SHLD1: variants seen among roughly 807,000 people sequenced by gnomAD.
The protein encoded by SHLD1 is RINN1-REV7-interacting novel NHEJ regulator 3.
Under a neutral mutation model 5.5 loss-of-function variants are expected in SHLD1, and 3 were observed. That is an observed-to-expected ratio of 0.54 (90% CI 0.25 to 1.40). The LOEUF (loss-of-function observed/expected upper bound fraction) is 1.40. SHLD1 is among the 40% of genes most tolerant of loss of function. The pLI is 0.15. For synonymous variants in SHLD1, 92 were observed against 94.3 expected, an observed-to-expected ratio of 0.98 and a Z score of 0.14; for missense variants, 210 against 244.4, an observed-to-expected ratio of 0.86 and a Z score of 0.94.
intron 2 of SHLD1, among the ~76,000 whole-genome samples, chr20:5,836,141 T>G (rs752812889): frequency 1.3e-5 from 2 of 152,150 alleles, no homozygotes; most frequent in African/African-American, 2.4e-5. Flanking sequence ...CATGAGCTGC[T>G]TCCTTTGGTT....
intron 1 of SHLD1, among the ~76,000 whole-genome samples, chr20:5,755,358 C>G (rs999923789): frequency 6.6e-6 from 1 of 152,068 alleles, no homozygotes; most frequent in Non-Finnish European, 1.5e-5. Context: ...AGTGTGAACC[C>G]TATTGTGAAC....
At chr20:5,811,754 A>C (rs764275118) in intron 2 of SHLD1, among the ~76,000 whole-genome samples, 2 of 151,912 alleles carry the variant, frequency 1.3e-5, no homozygotes, top group Admixed American at 6.6e-5. Flanking sequence ...TATTTGGGAG[A>C]CTGAGGTGGG....
At chr20:5,780,047 CA>C (rs1244547242) in intron 2 of SHLD1, among the ~76,000 whole-genome samples, 15 of 134,632 alleles carry the variant, frequency 1.1e-4, no homozygotes, top group Non-Finnish European at 2.0e-4. Context: ...GGTGCAATCT[CA>C]GCTCACTGCA....
In SHLD1 at chr20:5,764,158, T is replaced by TTTTA. The variant is rs1555768335; in HGVS notation, c.-4-8703_-4-8702insTTAT. On this transcript the variant is annotated intron_variant, in intron 1 of 2. Transcript: ENST00000303142. ...AAAAAAAATATATATATATTTATATTTATATATATATATATATTTTTATAT... is the reference window on the plus strand; with the variant it reads ...AAAAAAAATATATATATATTTATATTTTTATATATATATATATATATTTTTATAT... Among the ~76,000 whole-genome samples, 108 of 72,048 alleles carry TTTTA rather than the reference T, an allele frequency of 1.5e-3. 3 individuals carry two copies. The highest frequency in any genetic ancestry group is 5.2e-3 in the African/African-American group (99 of 19,128). The allele number at this position is 72,048 out of a possible 152,430, so 47.3% of individuals were successfully genotyped here. A position where few individuals can be genotyped will look rare whatever the true frequency, so the allele number is the denominator to read the frequency against.
chr20:5,850,236 C>T (rs1226068340), intron 2 of SHLD1, among the ~76,000 whole-genome samples: 1 of 151,558 alleles, frequency 6.6e-6, no homozygotes, highest in African/African-American at 2.4e-5. Flanking sequence ...CTAGTAAGAG[C>T]ACACGTTTAT....
At chr20:5,844,786 TATATATATATATA>T (rs1568528957) in intron 2 of SHLD1, among the ~76,000 whole-genome samples, 17 of 104,450 alleles carry the variant, frequency 1.6e-4, no homozygotes, top group East Asian at 1.5e-3. Flanking sequence ...TATATATATA[TATATATATATATA>T]TTTTTTTTTT....
intron 1 of SHLD1, chr20:5,772,091 G>T (rs1172037687): frequency 7.1e-6 from 3 of 420,294 alleles, no homozygotes; most frequent in Non-Finnish European, 1.5e-5. Flanking sequence ...GGCCAGGCTG[G>T]TCTTGAACTC....
chr20:5,831,167 G>A (rs2087724911), intron 2 of SHLD1, among the ~76,000 whole-genome samples: 1 of 152,166 alleles, frequency 6.6e-6, no homozygotes, highest in African/African-American at 2.4e-5. Context: ...GTGATCCAAG[G>A]TTAAAGGTCA....
In SHLD1 at chr20:5,855,615, A is replaced by G. The variant is rs1035678263; in HGVS notation, c.179-7409A>G. Among the ~76,000 whole-genome samples the G allele has an allele frequency of 2.0e-5, 3 of 152,032 alleles. No individual in the cohort carries two copies. Among genetic ancestry groups the G allele is most frequent in the East Asian group, 3.9e-4 (2 of 5,156 alleles). On this transcript the variant is annotated intron_variant, in intron 2 of 2. Transcript: ENST00000303142. The surrounding 1 kb of genome is among the most constrained non-coding windows in gnomAD (Gnocchi z 4.4). ...TTGAACTCCTGGGCTCAAGAGATCC[A>G]CTTTCCTTGGCCCCCCAAAGTGCTG...
chr20:5,754,024 A>G (rs1361053464), intron 1 of SHLD1, among the ~76,000 whole-genome samples: 2 of 152,198 alleles, frequency 1.3e-5, no homozygotes, highest in African/African-American at 4.8e-5. Context: ...ACGCCGCTTC[A>G]GAAGTGCTGG....
intron 2 of SHLD1, among the ~76,000 whole-genome samples, chr20:5,805,247 C>T (rs374486): frequency 0.28 from 43,129 of 151,462 alleles, 7,136 homozygotes; most frequent in African/African-American, 0.45. Flanking sequence ...GAACTCTGCC[C>T]TCTGGGTTCA....
At chr20:5,835,862 T>A (rs2087782713) in intron 2 of SHLD1, among the ~76,000 whole-genome samples, 2 of 152,162 alleles carry the variant, frequency 1.3e-5, no homozygotes, top group Non-Finnish European at 2.9e-5. Context: ...AGAAAATCAT[T>A]CTCCTGCCTT....
At chr20:5,775,923 A>ATTTTTTTTTTTCTT (rs1985403654) in intron 2 of SHLD1, among the ~76,000 whole-genome samples, 1 of 77,678 alleles carries the variant, frequency 1.3e-5, no homozygotes, top group Admixed American at 1.5e-4. Flanking sequence ...TCAGCTCAGG[A>ATTTTTTTTTTTCTT]TTTTTTTTTT....
intron 2 of SHLD1, among the ~76,000 whole-genome samples, chr20:5,857,369 C>T (rs1022801477): frequency 6.6e-5 from 10 of 152,180 alleles, no homozygotes; most frequent in African/African-American, 2.2e-4. Context: ...AACAGACCAA[C>T]CAAGGAAGCG....
chr20:5,761,354 A>G (rs1035111125), intron 1 of SHLD1, among the ~76,000 whole-genome samples: 6 of 151,936 alleles, frequency 3.9e-5, no homozygotes, highest in African/African-American at 1.4e-4. Context: ...GTAAACCACC[A>G]TGGCACATGT....
At chr20:5,844,456 G>T (rs1292913719) in intron 2 of SHLD1, among the ~76,000 whole-genome samples, 1 of 152,160 alleles carries the variant, frequency 6.6e-6, no homozygotes, top group Non-Finnish European at 1.5e-5. Context: ...AGAGGGATGT[G>T]TTTGGGGATG....
intron 2 of SHLD1, among the ~76,000 whole-genome samples, chr20:5,857,907 G>A (rs1031514529): frequency 2.6e-5 from 4 of 152,198 alleles, no homozygotes; most frequent in Admixed American, 6.5e-5. Context: ...AGACCATCCC[G>A]GCTAACACGG....
intron 2 of SHLD1, 37 bp from the exon 3 acceptor site, chr20:5,862,987 T>C: frequency 6.6e-7 from 1 of 1,512,624 alleles, no homozygotes; most frequent in Non-Finnish European, 8.9e-7. Flanking sequence ...TATTTTTGAT[T>C]GTGTGTTTGA....
In SHLD1 at chr20:5,772,846, C is replaced by G; in HGVS notation, c.-4-16C>G. ...GGTGCCTTTTGTACTGAATTGTTTT[C>G]TTTTTTCCATGGCAGGACTATGGCA... On this transcript the variant is annotated splice_polypyrimidine_tract_variant and intron_variant, in intron 1 of 2. Coordinates refer to ENST00000303142, the MANE Select transcript of SHLD1 (RefSeq NM_152504.4). The G allele has an allele frequency of 6.3e-7, 1 of 1,597,276 alleles. No individual in the cohort carries two copies. The highest frequency in any genetic ancestry group is 8.5e-7 in the Non-Finnish European group (1 of 1,171,274).
Sources: gnomAD v4.1 joint callset for allele counts (sites outside exome capture counted in the v4.1 genomes callset) on GRCh38, gnomAD v4.1.1 for gene constraint, Gnocchi (gnomAD v3.1) non-coding constraint, MANE v1.5 for transcripts, NCBI Gene and HGNC (gene_info 2026-07-23, HGNC 2026-07-21) for gene names.